The following KCNIP4 variants were observed in gnomAD, a reference collection of about 807,000 sequenced individuals.
The protein encoded by KCNIP4 is Kv channel-interacting protein 4.
A neutral mutation model predicts 34.0 loss-of-function variants in KCNIP4; 12 were observed. The ratio of observed to expected loss-of-function variants is 0.35; its 90% CI spans 0.23 to 0.57. KCNIP4 has a LOEUF of 0.57. Among genes scored for constraint, KCNIP4 ranks in the 20% least tolerant of loss-of-function variants. The pLI is 0.83. For synonymous variants in KCNIP4, 124 were observed against 102.2 expected (o/e 1.21, Z -1.29); for missense variants, 238 against 311.7 (o/e 0.76, Z 1.78).
At chr4:21,003,281 A>G (rs1738292772) in intron 1 of KCNIP4, among the ~76,000 whole-genome samples, 1 of 152,186 alleles carries the variant, frequency 6.6e-6, no homozygotes, top group African/African-American at 2.4e-5. Flanking sequence ...GGAACTGGTA[A>G]CTTTCATTAA....
intron 1 of KCNIP4, among the ~76,000 whole-genome samples, chr4:20,914,328 G>A (rs1278993408): frequency 6.6e-6 from 1 of 152,020 alleles, no homozygotes; most frequent in African/African-American, 2.4e-5. Context: ...TAGGAGGTAG[G>A]GACTTTGGTA....
intron 3 of KCNIP4, among the ~76,000 whole-genome samples, chr4:20,815,097 A>G (rs1352602369): frequency 6.6e-6 from 1 of 152,286 alleles, no homozygotes; most frequent in African/African-American, 2.4e-5. Context: ...CTGGCTGATC[A>G]ACTTAATCAT....
chr4:21,138,662 G>C (rs536422080), intron 1 of KCNIP4, among the ~76,000 whole-genome samples: 1 of 151,992 alleles, frequency 6.6e-6, no homozygotes, highest in Non-Finnish European at 1.5e-5. Flanking sequence ...GGGACTTTGC[G>C]TATGTGATTA....
At chr4:21,297,585 T>C (rs1194914320) in intron 1 of KCNIP4, among the ~76,000 whole-genome samples, 1 of 152,126 alleles carries the variant, frequency 6.6e-6, no homozygotes, top group Non-Finnish European at 1.5e-5. Flanking sequence ...AACCAATCAT[T>C]TTTAGTTCAT....
Position 21,443,621 on chromosome 4 carries a change from C to T in KCNIP4, c.61+504950G>A, listed in dbSNP as rs191871909. On this transcript the variant is annotated intron_variant, in intron 1 of 8. Coordinates refer to ENST00000382152, the MANE Select transcript of KCNIP4 (RefSeq NM_025221.6). ...AACCTAGAAACCTTGCCTGAGTTTG[C>T]GGCCTGATGCTCTAAAGAATTTGGA... 6.7e-4 allele frequency among the ~76,000 whole-genome samples: 102 copies of T among 152,214 alleles called. 3 individuals are homozygous for T. Among genetic ancestry groups the T allele is most frequent in the Admixed American group, 4.9e-3 (75 of 15,286 alleles).
intron 1 of KCNIP4, among the ~76,000 whole-genome samples, chr4:21,825,013 TA>T (rs1722589973): frequency 6.6e-6 from 1 of 152,186 alleles, no homozygotes; most frequent in South Asian, 2.1e-4. Flanking sequence ...AGCTAAATGA[TA>T]GACCACTTTC....
At chr4:21,928,487 A>G (rs1729393033) in intron 1 of KCNIP4, among the ~76,000 whole-genome samples, 1 of 152,146 alleles carries the variant, frequency 6.6e-6, no homozygotes, top group Non-Finnish European at 1.5e-5. Flanking sequence ...ATCACAAAAT[A>G]CCCTGTAATC....
chr4:21,920,738 A>T (rs1728893646), intron 1 of KCNIP4, among the ~76,000 whole-genome samples: 2 of 152,206 alleles, frequency 1.3e-5, no homozygotes, highest in Admixed American at 6.5e-5. Flanking sequence ...TCCAATGGAG[A>T]TCCTATAACC....
chr4:21,127,519 C>T (rs1362298773), intron 1 of KCNIP4, among the ~76,000 whole-genome samples: 5 of 152,118 alleles, frequency 3.3e-5, no homozygotes, highest in African/African-American at 7.2e-5. Context: ...CCTGACTCTC[C>T]GCACTCTCCC....
At chr4:21,380,789 G>C (rs1385514176) in intron 1 of KCNIP4, among the ~76,000 whole-genome samples, 1 of 151,772 alleles carries the variant, frequency 6.6e-6, no homozygotes, top group Non-Finnish European at 1.5e-5. Context: ...TTTCCTCCAT[G>C]TTCCAATACC....
chr4:20,918,352 A>G (rs1173218912), intron 1 of KCNIP4, among the ~76,000 whole-genome samples: 2 of 152,136 alleles, frequency 1.3e-5, no homozygotes, highest in Non-Finnish European at 2.9e-5. Flanking sequence ...CTCTTCACAT[A>G]CTTGATAATA....
At chr4:20,962,358 G>T (rs1733932988) in intron 1 of KCNIP4, among the ~76,000 whole-genome samples, 1 of 152,196 alleles carries the variant, frequency 6.6e-6, no homozygotes, top group African/African-American at 2.4e-5. Flanking sequence ...CTAACCTGCA[G>T]GTTCTTGTGC....
chr4:20,985,658 G>C (rs991825027), intron 1 of KCNIP4, among the ~76,000 whole-genome samples: 1 of 152,124 alleles, frequency 6.6e-6, no homozygotes, highest in Non-Finnish European at 1.5e-5. Context: ...TCTTTTGGGG[G>C]CTTATAGTTT....
At chr4:20,882,068 A>G (rs976399678) in intron 2 of KCNIP4, among the ~76,000 whole-genome samples, 2 of 152,342 alleles carry the variant, frequency 1.3e-5, no homozygotes, top group East Asian at 3.9e-4. Flanking sequence ...GTATATGCTT[A>G]TGTGTATGCA....
chr4:21,221,428 T>A (rs566597026), intron 1 of KCNIP4, among the ~76,000 whole-genome samples: 3 of 152,138 alleles, frequency 2.0e-5, no homozygotes, highest in African/African-American at 7.2e-5. Flanking sequence ...AAACTTACAA[T>A]CATGGTGGAA....
chr4:21,479,720 AC>A (rs1417787736), intron 1 of KCNIP4, among the ~76,000 whole-genome samples: 8 of 152,158 alleles, frequency 5.3e-5, no homozygotes, highest in African/African-American at 1.7e-4. Flanking sequence ...AGGAAAAAAA[AC>A]ATTGAAAATA....
At chr4:20,801,594 G>T (rs554779657) in intron 3 of KCNIP4, among the ~76,000 whole-genome samples, 1 of 152,194 alleles carries the variant, frequency 6.6e-6, no homozygotes, top group African/African-American at 2.4e-5. Context: ...TGTGATAGAA[G>T]TTAAGCTGTT....
chr4:20,957,186 G>A (rs1489386588), intron 1 of KCNIP4, among the ~76,000 whole-genome samples: 4 of 152,110 alleles, frequency 2.6e-5, no homozygotes, highest in East Asian at 1.9e-4. Flanking sequence ...CGGGTACCTC[G>A]GTTTTCTTTC....
At chr4:20,943,935 G>A (rs1391747929) in intron 1 of KCNIP4, among the ~76,000 whole-genome samples, 1 of 152,190 alleles carries the variant, frequency 6.6e-6, no homozygotes, top group Non-Finnish European at 1.5e-5. Context: ...ATGTCAGAGA[G>A]AAGAATGGAA....
Sources: gnomAD v4.1 joint callset for allele counts (sites outside exome capture counted in the v4.1 genomes callset) on GRCh38, gnomAD v4.1.1 for gene constraint, MANE v1.5 for transcripts, NCBI Gene and HGNC (gene_info 2026-07-23, HGNC 2026-07-21) for gene names.